Variants in PTPRM observed in about 807,000 individuals in gnomAD.
PTPRM encodes receptor-type tyrosine-protein phosphatase mu.
A neutral mutation model predicts 186.7 loss-of-function variants in PTPRM; 47 were observed. That is an observed-to-expected ratio of 0.25 (90% CI 0.20 to 0.32). The LOEUF (loss-of-function observed/expected upper bound fraction) is 0.32, where lower values mean the gene tolerates loss of function less well. Ranked by LOEUF, PTPRM falls within the 10% of genes least tolerant of loss-of-function variation. The probability of loss-of-function intolerance (pLI) is 1.00; values close to 1 mark genes in which losing one functional copy is unlikely to be tolerated. For missense variants in PTPRM, 1,494 were observed against 1,865.0 expected (o/e 0.80, Z 3.66); for synonymous variants, 668 against 674.9 (o/e 0.99, Z 0.16).
At chr18:8,272,040 C>T (rs1568641118) in intron 19 of PTPRM, among the ~76,000 whole-genome samples, 2 of 151,704 alleles carry the variant, frequency 1.3e-5, no homozygotes, top group Non-Finnish European at 2.9e-5. Flanking sequence ...GGTGAAACCC[C>T]ATCTCTACTA....
chr18:8,125,993 A>T (rs1415088624), intron 13 of PTPRM, among the ~76,000 whole-genome samples: 2 of 8,662 alleles, frequency 2.3e-4, no homozygotes, highest in Non-Finnish European at 7.4e-4. Context: ...ATATATATAT[A>T]TATATATATA....
intron 4 of PTPRM, among the ~76,000 whole-genome samples, chr18:7,921,054 T>G (rs2050831644): frequency 6.6e-6 from 1 of 152,144 alleles, no homozygotes; most frequent in Admixed American, 6.5e-5. Context: ...GTCTAATCAT[T>G]ATATCTTTTG....
chr18:7,632,086 C>T (rs1170371161), intron 1 of PTPRM, among the ~76,000 whole-genome samples: 1 of 152,154 alleles, frequency 6.6e-6, no homozygotes, highest in Non-Finnish European at 1.5e-5. Context: ...AAGTAGGAAG[C>T]CAAGTTAGAA....
intron 2 of PTPRM, among the ~76,000 whole-genome samples, chr18:7,810,346 GCTAA>G (rs2044445178): frequency 6.6e-6 from 1 of 152,196 alleles, no homozygotes; most frequent in Admixed American, 6.5e-5. Flanking sequence ...GTGTTACTGT[GCTAA>G]CTGTGAGGAT....
At chr18:7,578,609 A>G (rs985356818) in intron 1 of PTPRM, among the ~76,000 whole-genome samples, 20 of 151,304 alleles carry the variant, frequency 1.3e-4, no homozygotes, top group Admixed American at 2.6e-4. Context: ...TGCTGGGATT[A>G]CAGGCGTGAG....
At chr18:7,805,705 G>A (rs900474416) in intron 2 of PTPRM, among the ~76,000 whole-genome samples, 6 of 152,104 alleles carry the variant, frequency 3.9e-5, no homozygotes, top group Admixed American at 3.3e-4. Context: ...TTTCCTGTAC[G>A]AAGTGTATAC....
intron 2 of PTPRM, among the ~76,000 whole-genome samples, chr18:7,789,475 A>G (rs2043236647): frequency 6.6e-6 from 1 of 152,198 alleles, no homozygotes; most frequent in Non-Finnish European, 1.5e-5. Context: ...TGAATGGAAG[A>G]AAAGAAAATT....
chr18:8,079,240 T>G (rs77655763), intron 9 of PTPRM, among the ~76,000 whole-genome samples: 3,711 of 152,268 alleles, frequency 0.024, 57 homozygotes, highest in African/African-American at 0.037. Context: ...TGACCTTGTC[T>G]TCGTTCTGGC....
intron 2 of PTPRM, among the ~76,000 whole-genome samples, chr18:7,858,483 G>T (rs891582675): frequency 2.0e-5 from 3 of 152,096 alleles, no homozygotes; most frequent in Non-Finnish European, 4.4e-5. Flanking sequence ...GATCGCTTGC[G>T]CCCAGGAGTT....
intron 11 of PTPRM, among the ~76,000 whole-genome samples, chr18:8,109,679 G>A (rs1309972580): frequency 6.6e-6 from 1 of 152,138 alleles, no homozygotes; most frequent in African/African-American, 2.4e-5. Context: ...TATCATTAGA[G>A]AATGTCAAAC....
intron 5 of PTPRM, among the ~76,000 whole-genome samples, chr18:7,930,736 A>G (rs866392949): frequency 3.2e-4 from 49 of 152,192 alleles, no homozygotes; most frequent in African/African-American, 1.2e-3. Flanking sequence ...TATGTATTAC[A>G]TGTCATATTG....
intron 11 of PTPRM, among the ~76,000 whole-genome samples, chr18:8,093,776 C>T (rs2090877360): frequency 6.6e-6 from 1 of 152,126 alleles, no homozygotes; most frequent in African/African-American, 2.4e-5. Flanking sequence ...GCAAAACGGT[C>T]TTCTGTTTAT....
chr18:7,727,831 A>G (rs1275814904), intron 1 of PTPRM, among the ~76,000 whole-genome samples: 2 of 152,228 alleles, frequency 1.3e-5, no homozygotes, highest in Admixed American at 6.5e-5. Context: ...AAAAACATCT[A>G]TTACTTGGGA....
chr18:8,356,761 A>G (rs2095565589), intron 23 of PTPRM, among the ~76,000 whole-genome samples: 1 of 152,180 alleles, frequency 6.6e-6, no homozygotes, highest in Non-Finnish European at 1.5e-5. Flanking sequence ...GACAGCCAAT[A>G]GCCCAAATCC....
rs150972349 is a variant in PTPRM, at chr18:8,273,904, C to G, written c.2754+20490C>G. ...ATTTTCCTCTGCCCTTTGGAAATTCCTCTAAACATTAGTTCTGACTGTCAG... is the reference window on the plus strand; with the variant it reads ...ATTTTCCTCTGCCCTTTGGAAATTCGTCTAAACATTAGTTCTGACTGTCAG... On this transcript the variant is annotated intron_variant, in intron 19 of 32. Coordinates refer to ENST00000580170, the MANE Select transcript of PTPRM (RefSeq NM_001105244.2). Among the ~76,000 whole-genome samples the G allele has an allele frequency of 3.6e-3, 555 of 152,318 alleles. 1 individual carries two copies. Among genetic ancestry groups the G allele is most frequent in the African/African-American group, 0.012 (514 of 41,562 alleles).
At chr18:7,733,443 C>A (rs2040703293) in intron 1 of PTPRM, among the ~76,000 whole-genome samples, 1 of 152,108 alleles carries the variant, frequency 6.6e-6, no homozygotes, top group Non-Finnish European at 1.5e-5. Flanking sequence ...GCATAGTATT[C>A]CATGGTGTAT....
intron 19 of PTPRM, among the ~76,000 whole-genome samples, chr18:8,254,860 A>T (rs1030255388): frequency 1.3e-5 from 2 of 152,234 alleles, no homozygotes; most frequent in Non-Finnish European, 1.5e-5. Flanking sequence ...ACATAGACAC[A>T]CTTTGCTCTG....
intron 7 of PTPRM, among the ~76,000 whole-genome samples, chr18:7,958,764 G>A (rs2053481611): frequency 6.6e-6 from 1 of 152,118 alleles, no homozygotes; most frequent in African/African-American, 2.4e-5. Context: ...GGGCAGTGAA[G>A]GTCTGCTATT....
intron 2 of PTPRM, among the ~76,000 whole-genome samples, chr18:7,832,189 G>A (rs549379774): frequency 6.6e-6 from 1 of 152,092 alleles, no homozygotes; most frequent in Non-Finnish European, 1.5e-5. Flanking sequence ...TTAGTTTTTC[G>A]AGGAACCTTC....
Sources: allele counts gnomAD v4.1 joint callset (sites outside exome capture counted in the v4.1 genomes callset), GRCh38; gene constraint gnomAD v4.1.1; transcripts MANE v1.5; gene names NCBI Gene and HGNC (gene_info 2026-07-23, HGNC 2026-07-21).